Variants in PSD3 observed in about 807,000 individuals in gnomAD.
PSD3 encodes the protein pleckstrin and Sec7 domain containing 3, also known as PH and SEC7 domain-containing protein 3.
In PSD3, 49 loss-of-function variants were observed where a neutral mutation model predicts 105.5. That is an observed-to-expected ratio of 0.46 (90% confidence interval 0.37 to 0.59). The LOEUF (loss-of-function observed/expected upper bound fraction) is 0.59. PSD3 is among the 20% of genes least tolerant of loss of function. The pLI is 0.00. For synonymous variants in PSD3, 557 were observed against 457.8 expected, an observed-to-expected ratio of 1.22 and a Z score of -2.77; for missense variants, 1,561 against 1,263.8, an observed-to-expected ratio of 1.24 and a Z score of -3.57.
At chr8:18,572,356 G>A (rs1394309166) in intron 14 of PSD3, among the ~76,000 whole-genome samples, 172 bp downstream of exon 14, 1 of 152,150 alleles carries the variant, frequency 6.6e-6, no homozygotes, top group Non-Finnish European at 1.5e-5. Flanking sequence ...CTTCCTACAT[G>A]AAGTGTAAAA....
rs183318736 is a variant in PSD3 at position 18,785,105 on chromosome 8, G to C, written c.2082+14190C>G. On this transcript the variant is annotated intron_variant, in intron 8 of 15. Transcript: ENST00000327040. The stretch of plus-strand genomic sequence containing the variant: ...TTCATCCAAGGCATCTAGGAACCCT[G>C]TGTCAGAACTGCTGTCACTCAGGAG... Among the ~76,000 whole-genome samples, 371 of 152,220 alleles carry C rather than the reference G, an allele frequency of 2.4e-3. 12 individuals are homozygous for C. The highest frequency in any genetic ancestry group is 0.021 in the Admixed American group (319 of 15,292).
intron 12 of PSD3, among the ~76,000 whole-genome samples, chr8:18,599,227 G>C (rs992961304): frequency 3.9e-5 from 6 of 152,092 alleles, no homozygotes; most frequent in African/African-American, 1.4e-4. Context: ...TAGACCAACA[G>C]AATGGAACAC....
intron 9 of PSD3, among the ~76,000 whole-genome samples, chr8:18,749,805 G>T (rs1209676667): frequency 6.6e-6 from 1 of 152,108 alleles, no homozygotes; most frequent in Admixed American, 6.5e-5. Flanking sequence ...AAGGACTAAA[G>T]GTGACCGCTA....
At chr8:18,736,785 G>A (rs1019675257) in intron 9 of PSD3, among the ~76,000 whole-genome samples, 4 of 152,114 alleles carry the variant, frequency 2.6e-5, no homozygotes, top group Non-Finnish European at 4.4e-5. Context: ...TATCAGAATC[G>A]TCATCAATTA....
At chr8:18,687,567 T>A (rs560591097) in intron 9 of PSD3, among the ~76,000 whole-genome samples, 36 of 151,780 alleles carry the variant, frequency 2.4e-4, no homozygotes, top group Middle Eastern at 3.4e-3. Context: ...TGAAGTGAAA[T>A]TTGTTTCCTT....
intron 11 of PSD3, among the ~76,000 whole-genome samples, chr8:18,608,997 C>G (rs1299345259): frequency 6.6e-6 from 1 of 151,698 alleles, no homozygotes; most frequent in African/African-American, 2.4e-5. Context: ...TCTTTTTTTT[C>G]CTTTTCCTCA....
intron 1 of PSD3, among the ~76,000 whole-genome samples, chr8:18,983,755 T>C (rs954528609): frequency 2.0e-5 from 3 of 152,020 alleles, no homozygotes; most frequent in Admixed American, 6.6e-5. Flanking sequence ...TCCTACCATT[T>C]TGGGACGCTG....
chr8:19,033,167 T>A (rs1334903220), intron 1 of PSD3, among the ~76,000 whole-genome samples: 1 of 152,050 alleles, frequency 6.6e-6, no homozygotes, highest in Non-Finnish European at 1.5e-5. Flanking sequence ...CTGAATCCAT[T>A]TGGTTCAGAA....
intron 10 of PSD3, among the ~76,000 whole-genome samples, chr8:18,642,565 C>A (rs1269082421): frequency 1.3e-5 from 2 of 152,114 alleles, no homozygotes; most frequent in Non-Finnish European, 2.9e-5. Flanking sequence ...ACATCCCAGC[C>A]TCCATAATTC....
At chr8:18,537,159 G>C (rs535106869) in intron 15 of PSD3, among the ~76,000 whole-genome samples, 1 of 152,144 alleles carries the variant, frequency 6.6e-6, no homozygotes, top group East Asian at 1.9e-4. Flanking sequence ...GGGTGTGAGC[G>C]CTGGTTGCCG....
At chr8:18,728,043 G>A (rs1458848589) in intron 9 of PSD3, among the ~76,000 whole-genome samples, 2 of 151,716 alleles carry the variant, frequency 1.3e-5, no homozygotes, top group East Asian at 3.9e-4. Flanking sequence ...CTGAATGAAT[G>A]AATGATTTTA....
At chr8:18,663,264 T>TA (rs1042668205) in intron 9 of PSD3, among the ~76,000 whole-genome samples, 1 of 152,068 alleles carries the variant, frequency 6.6e-6, no homozygotes, top group African/African-American at 2.4e-5. Context: ...CAGCCTTTAC[T>TA]AAAAACACAA....
chr8:18,983,074 C>G (rs1418302621), intron 1 of PSD3, among the ~76,000 whole-genome samples: 2 of 152,200 alleles, frequency 1.3e-5, no homozygotes, highest in African/African-American at 4.8e-5. Flanking sequence ...GCTAGATCTT[C>G]TGAATAACTT....
At chr8:18,889,685 T>C (rs1818661680) in intron 2 of PSD3, among the ~76,000 whole-genome samples, 1 of 152,188 alleles carries the variant, frequency 6.6e-6, no homozygotes, top group South Asian at 2.1e-4. Flanking sequence ...TCCCGTGCAA[T>C]GTACTGAGCC....
At chr8:19,050,144 T>C (rs1176666256) in intron 1 of PSD3, among the ~76,000 whole-genome samples, 14 of 152,174 alleles carry the variant, frequency 9.2e-5, no homozygotes, top group Admixed American at 9.2e-4. Context: ...GCTAAGTTAG[T>C]CTTTGAGGAC....
intron 6 of PSD3, among the ~76,000 whole-genome samples, chr8:18,802,050 C>A (rs1810744925): frequency 6.6e-6 from 1 of 152,088 alleles, no homozygotes; most frequent in Non-Finnish European, 1.5e-5. Flanking sequence ...GTGCTTCTGT[C>A]ATTTTGTTAC....
chr8:18,846,498 C>T (rs1815103490), intron 4 of PSD3, among the ~76,000 whole-genome samples: 1 of 152,100 alleles, frequency 6.6e-6, no homozygotes. Context: ...TACTGCTACT[C>T]CTGGGGAAAC....
At chr8:19,015,864 G>A (rs1370905993), upstream of PSD3, among the ~76,000 whole-genome samples, 1 of 152,266 alleles carries the variant, frequency 6.6e-6, no homozygotes, top group East Asian at 1.9e-4. Context: ...CATCGCAAAG[G>A]AAATTTTTAA....
At chr8:18,705,003 C>T (rs1219630623) in intron 9 of PSD3, among the ~76,000 whole-genome samples, 1 of 151,868 alleles carries the variant, frequency 6.6e-6, no homozygotes. Context: ...TTAACTAGTA[C>T]CAAAAATGCA....
Sources: allele counts gnomAD v4.1 joint callset (sites outside exome capture counted in the v4.1 genomes callset), GRCh38; gene constraint gnomAD v4.1.1; transcripts MANE v1.5; gene names NCBI Gene and HGNC (gene_info 2026-07-23, HGNC 2026-07-21).